SASH1: variants seen among roughly 807,000 people sequenced by gnomAD.
SASH1 encodes the protein SAM and SH3 domain containing 1, also known as SAM and SH3 domain-containing protein 1.
SASH1 carries 44 observed loss-of-function variants against 125.2 expected under a neutral mutation model. The ratio of observed to expected loss-of-function variants is 0.35; its 90% confidence interval spans 0.28 to 0.45. SASH1 has a LOEUF of 0.45. Ranked by LOEUF, SASH1 falls within the 20% of genes least tolerant of loss-of-function variation. The pLI is 1.00. For synonymous variants in SASH1, 639 were observed against 649.1 expected, an observed-to-expected ratio of 0.98 and a Z score of 0.24; for missense variants, 1,426 against 1,614.5, an observed-to-expected ratio of 0.88 and a Z score of 2.00.
At chr6:148,260,917 G>A in the SASH1 span, among the ~76,000 whole-genome samples, 1 of 148,146 alleles carries the variant, frequency 6.8e-6, no homozygotes, top group East Asian at 2.0e-4. Context: ...CGATTCTCCT[G>A]CCTCAGCCTC....
rs1554245330 is a variant in SASH1 at position 148,368,770 on chromosome 6, G to GCGCA, written c.157-21363_157-21362insGCAC. Reference sequence around the variant, plus strand: ...CCCCCACATGCGCGCGCACGCGCGCGCACACACACACACACACACACACAC... The same window carrying GCGCA: ...CCCCCACATGCGCGCGCACGCGCGCGCGCACACACACACACACACACACACACAC... On this transcript the variant is annotated intron_variant, in intron 1 of 19. Transcript: ENST00000367467. 2.3e-3 allele frequency among the ~76,000 whole-genome samples: 310 copies of GCGCA among 135,730 alleles called. 4 individuals are homozygous for GCGCA. Among genetic ancestry groups the GCGCA allele is most frequent in the African/African-American group, 6.8e-3 (254 of 37,532 alleles). The allele number at this position is 135,730 out of a possible 152,430, so 89.0% of individuals were successfully genotyped here.
Position 148,481,547 on chromosome 6 carries a change from T to G in SASH1, c.628-6067T>G, listed in dbSNP as rs764481789. Among the ~76,000 whole-genome samples, 28 of 152,152 alleles carry G rather than the reference T, an allele frequency of 1.8e-4. 1 individual carries two copies. The highest frequency in any genetic ancestry group is 1.8e-3 in the Admixed American group (28 of 15,278). ...GAAGCATGCTACTCTTCCTTACAATTTAAGGCACAGAGGCGATTGCAGGGT... is the reference window on the plus strand; with the variant it reads ...GAAGCATGCTACTCTTCCTTACAATGTAAGGCACAGAGGCGATTGCAGGGT... On this transcript the variant is annotated intron_variant, in intron 7 of 19. Transcript: ENST00000367467.
At chr6:148,294,090 C>G (rs1779702447) in intron 1 of SASH1, among the ~76,000 whole-genome samples, 1 of 152,234 alleles carries the variant, frequency 6.6e-6, no homozygotes, top group African/African-American at 2.4e-5. Flanking sequence ...TCAGCCACAC[C>G]TGGGCTGGCC....
chr6:148,240,258 T>C, the SASH1 span, among the ~76,000 whole-genome samples: 1 of 152,062 alleles, frequency 6.6e-6, no homozygotes, highest in Non-Finnish European at 1.5e-5. Flanking sequence ...CCACACAGTG[T>C]TGATCAACAC....
chr6:148,309,246 G>A (rs752794799), intron 1 of SASH1, among the ~76,000 whole-genome samples: 2 of 152,182 alleles, frequency 1.3e-5, no homozygotes, highest in Middle Eastern at 3.2e-3. Context: ...TAAAGACAAC[G>A]TCTTTTCAAA....
At chr6:148,521,039 A>AAAG (rs1780774738) in intron 10 of SASH1, among the ~76,000 whole-genome samples, 1 of 152,250 alleles carries the variant, frequency 6.6e-6, no homozygotes, top group African/African-American at 2.4e-5. Flanking sequence ...AGCAAGGAAT[A>AAAG]AAGTACTCAC....
Position 148,316,321 on chromosome 6 carries a change from G to C in SASH1, n.74+43944G>C, listed in dbSNP as rs566449893. ...CCAGAGTCCCAAGCATAGGCAGCGT[G>C]GGGCAGACTGGCCTCTTTATTTGTA... On this transcript the variant is annotated intron_variant and non_coding_transcript_variant, in intron 1 of 3. Coordinates refer to the SASH1 transcript ENST00000367469. 2.9e-3 allele frequency among the ~76,000 whole-genome samples: 448 copies of C among 152,288 alleles called. 3 individuals carry two copies. Among genetic ancestry groups the C allele is most frequent in the African/African-American group, 0.01 (429 of 41,562 alleles).
chr6:148,494,321 A>T (rs1457142838), intron 8 of SASH1, among the ~76,000 whole-genome samples: 1 of 152,252 alleles, frequency 6.6e-6, no homozygotes, highest in Non-Finnish European at 1.5e-5. Context: ...ACCGTTCAGT[A>T]GATTTTTCAC....
intron 1 of SASH1, among the ~76,000 whole-genome samples, chr6:148,290,523 G>A (rs778365081): frequency 6.6e-6 from 1 of 152,016 alleles, no homozygotes; most frequent in Admixed American, 6.6e-5. Flanking sequence ...GGAGAATGGT[G>A]TGAACCCGGG....
chr6:148,205,154 G>C, the SASH1 span, among the ~76,000 whole-genome samples: 2 of 152,146 alleles, frequency 1.3e-5, no homozygotes, highest in Non-Finnish European at 2.9e-5. Context: ...CAGTTATAAT[G>C]GGGCGATTTA....
chr6:148,265,110 A>G, the SASH1 span, among the ~76,000 whole-genome samples: 1 of 152,218 alleles, frequency 6.6e-6, no homozygotes, highest in South Asian at 2.1e-4. Context: ...CCAGTTTGCA[A>G]AGAGGAACTA....
chr6:148,332,296 T>C (rs1004953919), intron 1 of SASH1, among the ~76,000 whole-genome samples: 18 of 152,162 alleles, frequency 1.2e-4, no homozygotes, highest in African/African-American at 4.3e-4. Context: ...GAATGCCCCA[T>C]GTAGGAGTGC....
intron 4 of SASH1, among the ~76,000 whole-genome samples, chr6:148,453,518 T>C (rs530931653): frequency 2.0e-5 from 3 of 152,122 alleles, no homozygotes; most frequent in Admixed American, 2.0e-4. Context: ...TCACAGACCT[T>C]GGGTAAGGCA....
the SASH1 span, among the ~76,000 whole-genome samples, chr6:148,248,746 C>T: frequency 1.3e-5 from 2 of 152,218 alleles, no homozygotes; most frequent in Middle Eastern, 3.2e-3. Context: ...GCTAAAGCAT[C>T]TCCATATGAT....
intron 1 of SASH1, among the ~76,000 whole-genome samples, chr6:148,318,839 C>A (rs1023459749): frequency 1.3e-5 from 2 of 152,026 alleles, no homozygotes; most frequent in African/African-American, 4.8e-5. Context: ...GCGTGAGCCG[C>A]CACGCCCAGC....
At chr6:148,195,116 G>T in the SASH1 span, among the ~76,000 whole-genome samples, 3 of 152,038 alleles carry the variant, frequency 2.0e-5, no homozygotes, top group African/African-American at 7.2e-5. Context: ...TATTTCACTC[G>T]TTTACTTAGC....
chr6:148,541,154 T>C (rs1354357605), intron 17 of SASH1, among the ~76,000 whole-genome samples: 1 of 151,970 alleles, frequency 6.6e-6, no homozygotes, highest in Non-Finnish European at 1.5e-5. Flanking sequence ...GAATTCCCAT[T>C]GTAGCAAGAT....
intron 8 of SASH1, among the ~76,000 whole-genome samples, chr6:148,502,390 T>C (rs1646728661): frequency 6.6e-6 from 1 of 152,378 alleles, no homozygotes; most frequent in South Asian, 2.1e-4. Context: ...TTTCATATTT[T>C]CTACTGTTAC....
intron 1 of SASH1, among the ~76,000 whole-genome samples, chr6:148,325,261 TTTGTTGTTG>T (rs1554235037): frequency 1.3e-5 from 2 of 149,878 alleles, no homozygotes; most frequent in Non-Finnish European, 1.5e-5. Context: ...AAAAGCCTCT[TTTGTTGTTG>T]TTGTTGTTGT....
Sources: allele counts gnomAD v4.1 joint callset (sites outside exome capture counted in the v4.1 genomes callset), GRCh38; gene constraint gnomAD v4.1.1; transcripts MANE v1.5; gene names NCBI Gene and HGNC (gene_info 2026-07-23, HGNC 2026-07-21).